PRCP: variants seen among roughly 807,000 people sequenced by gnomAD.
The protein encoded by PRCP is lysosomal Pro-X carboxypeptidase.
In PRCP, 46 loss-of-function variants were observed where a neutral mutation model predicts 54.2. That is an observed-to-expected ratio of 0.85 (90% CI 0.67 to 1.09). The LOEUF (loss-of-function observed/expected upper bound fraction) is 1.09, where lower values mean the gene tolerates loss of function less well. PRCP is among the 50% of genes least tolerant of loss of function. The pLI is 0.00. For missense variants in PRCP, 613 were observed against 596.8 expected, an observed-to-expected ratio of 1.03 and a Z score of -0.28; for synonymous variants, 240 against 212.2, an observed-to-expected ratio of 1.13 and a Z score of -1.14.
At chr11:82,896,062 T>A (rs993505330) in intron 1 of PRCP, among the ~76,000 whole-genome samples, 2 of 152,180 alleles carry the variant, frequency 1.3e-5, no homozygotes, top group African/African-American at 2.4e-5. Context: ...ACCACTATTG[T>A]CATGCATTTG....
At position 82,889,802 on chromosome 11, in the gene PRCP, T is replaced by A. The variant is rs147860788; in HGVS notation, c.168+10433A>T. Among the ~76,000 whole-genome samples, 483 of 152,296 alleles carry A rather than the reference T, an allele frequency of 3.2e-3. 2 individuals are homozygous for A. The highest frequency in any genetic ancestry group is 0.02 in the Middle Eastern group (6 of 294). The stretch of plus-strand genomic sequence containing the variant: ...TTGAAAGGCCTTAAATGCTACAGGA[T>A]TTTGTTCTTAATAAAGCAAACAATA... On this transcript the variant is annotated intron_variant, in intron 1 of 8. Transcript: ENST00000313010.
chr11:82,900,427 G>C lies in PRCP; in HGVS notation c.-25C>G, dbSNP rs767206689. On this transcript the variant is annotated 5_prime_UTR_variant, in exon 1 of 9. Transcript: ENST00000313010. ...TGGCTCAGGCTGGAGACTGCAGTGC[G>C]GGTGGGAGGGCGAAAAGGAGGCCAG... 1.2e-6 allele frequency: 2 copies of C among 1,609,276 alleles called. No individual in the cohort carries two copies.
At chr11:82,845,326 T>G (rs1858781873) in intron 6 of PRCP, among the ~76,000 whole-genome samples, 1 of 152,030 alleles carries the variant, frequency 6.6e-6, no homozygotes, top group South Asian at 2.1e-4. Context: ...AGTACACATT[T>G]AAATAAGAGA....
chr11:82,900,612 T>A, upstream of PRCP: 1 of 707,986 alleles, frequency 1.4e-6, no homozygotes, highest in South Asian at 1.5e-5. Flanking sequence ...CCGCCTCCAC[T>A]CCACTTTCCT....
At chr11:82,884,595 A>G (rs2121251415) in intron 1 of PRCP, among the ~76,000 whole-genome samples, 1 of 152,256 alleles carries the variant, frequency 6.6e-6, no homozygotes, top group Middle Eastern at 3.4e-3. Flanking sequence ...AAACATATAA[A>G]CACACATACT....
At position 82,849,978 on chromosome 11, in the gene PRCP, G is replaced by A. The variant is rs142781294; in HGVS notation, c.687C>T (p.Ser229=). 223 of 1,549,624 alleles carry A rather than the reference G, an allele frequency of 1.4e-4. No homozygotes were observed. In the African/African-American group the frequency reaches 1.7e-3, roughly 12 times the overall value. ...MKIVTTDFRK[S]GPHCSESIHR... ...GGATGCTCTCTGAACAATGTGGACC[G>A]CTTTTCCTAAAATCTGTAGTTACGA... The change falls in exon 5 of 9, where the codon AGC becomes AGT. Residue 229 remains serine (S), a synonymous_variant. Transcript: ENST00000313010.
chr11:82,853,327 A>G, intron 2 of PRCP, 49 bp from the exon 3 acceptor site: 1 of 1,525,224 alleles, frequency 6.6e-7, no homozygotes, highest in Non-Finnish European at 9.0e-7. Context: ...TGTGAAAAAA[A>G]GTCACTGAAC....
intron 2 of PRCP, among the ~76,000 whole-genome samples, chr11:82,857,972 G>T (rs1367695332): frequency 1.3e-5 from 2 of 152,112 alleles, no homozygotes; most frequent in East Asian, 3.9e-4. Flanking sequence ...TTGCTTACAT[G>T]TATGTCACAC....
At chr11:82,881,166 G>C (rs1033600337) in intron 1 of PRCP, among the ~76,000 whole-genome samples, 1 of 152,182 alleles carries the variant, frequency 6.6e-6, no homozygotes, top group Non-Finnish European at 1.5e-5. Context: ...AATTCATTTA[G>C]TGGGTCATAG....
At chr11:82,886,711 T>A (rs1044707906) in intron 1 of PRCP, among the ~76,000 whole-genome samples, 1 of 152,334 alleles carries the variant, frequency 6.6e-6, no homozygotes, top group East Asian at 1.9e-4. Flanking sequence ...CTATCACTTA[T>A]CAGCTGTGCA....
At chr11:82,854,680 C>CAACAAACAAACA (rs59333513) in intron 2 of PRCP, among the ~76,000 whole-genome samples, 16,822 of 151,674 alleles carry the variant, frequency 0.11, 1,755 homozygotes, top group African/African-American at 0.28. Context: ...TATAAAACAA[C>CAACAAACAAACA]AACAAACAAA....
At position 82,877,153 on chromosome 11, in the gene PRCP, T is replaced by C. The variant is rs202218712; in HGVS notation, c.169-17036A>G. On this transcript the variant is annotated intron_variant, in intron 1 of 8. Transcript: ENST00000313010. Reference sequence around the variant, plus strand: ...TGTGGAGCTTTGAACTTGAAAGAGATGATTTAGGGTATCTGGCAGAAGAAA... The same window carrying C: ...TGTGGAGCTTTGAACTTGAAAGAGACGATTTAGGGTATCTGGCAGAAGAAA... Among the ~76,000 whole-genome samples, 36 of 152,286 alleles carry C rather than the reference T, an allele frequency of 2.4e-4. No homozygotes were observed. The East Asian group carries it at 6.4e-3, about 27-fold the overall frequency.
chr11:82,838,646 T>G, intron 7 of PRCP, 72 bp from the exon 8 acceptor site: 1 of 1,462,154 alleles, frequency 6.8e-7, no homozygotes, highest in Non-Finnish European at 9.3e-7. Flanking sequence ...TTACACAAAG[T>G]CATAATGCTG....
intron 1 of PRCP, among the ~76,000 whole-genome samples, chr11:82,878,816 G>C (rs1591066720): frequency 6.6e-6 from 1 of 152,242 alleles, no homozygotes; most frequent in East Asian, 1.9e-4. Context: ...AGTTTGGCTG[G>C]ATATGAAATT....
rs760949918 is a variant in PRCP, at chr11:82,900,206, G to A, written c.168+29C>T. The A allele has an allele frequency of 9.9e-6, 16 of 1,612,172 alleles. No homozygotes were observed. In the East Asian group the frequency reaches 3.3e-4, roughly 34 times the overall value. Reference sequence around the variant, plus strand: ...GTCAGGGTTCCCGGCGGTTGGGCCTGGGACGGCGAAGCCCCCGCTCCCCCT... The same window carrying A: ...GTCAGGGTTCCCGGCGGTTGGGCCTAGGACGGCGAAGCCCCCGCTCCCCCT... On this transcript the variant is annotated intron_variant, in intron 1 of 8. Coordinates refer to ENST00000313010, the MANE Select transcript of PRCP (RefSeq NM_005040.4).
chr11:82,832,475 T>A (rs1858412229), intron 8 of PRCP, among the ~76,000 whole-genome samples: 1 of 152,332 alleles, frequency 6.6e-6, no homozygotes, highest in South Asian at 2.1e-4. Context: ...CTTTTTTTCA[T>A]AAGTTTGTTG....
At chr11:82,892,686 G>A (rs1219245098) in intron 1 of PRCP, among the ~76,000 whole-genome samples, 1 of 152,170 alleles carries the variant, frequency 6.6e-6, no homozygotes, top group Non-Finnish European at 1.5e-5. Context: ...CAACAGGTCA[G>A]TAAACTATTA....
At chr11:82,830,653 A>AAAAAAAAAAAAAT (rs1565215932) in intron 8 of PRCP, 1 of 150,706 alleles carries the variant, frequency 6.6e-6, no homozygotes, top group African/African-American at 2.4e-5. Context: ...AAAAAAAAAA[A>AAAAAAAAAAAAAT]AACTACACTC....
intron 6 of PRCP, among the ~76,000 whole-genome samples, chr11:82,841,053 A>AATATATATAT: frequency 7.3e-6 from 1 of 137,886 alleles, no homozygotes; most frequent in Non-Finnish European, 1.5e-5. Context: ...TTATATATAT[A>AATATATATAT]ATAGACTAGT....
Sources: allele counts gnomAD v4.1 joint callset (sites outside exome capture counted in the v4.1 genomes callset), GRCh38; gene constraint gnomAD v4.1.1; transcripts MANE v1.5; gene names NCBI Gene and HGNC (gene_info 2026-07-23, HGNC 2026-07-21).